Variants in GRIN2A observed in about 807,000 individuals in gnomAD.
GRIN2A encodes the protein glutamate receptor ionotropic, NMDA 2A.
GRIN2A carries 22 observed loss-of-function variants against 113.4 expected under a neutral mutation model. That is an observed-to-expected ratio of 0.19 (90% CI 0.14 to 0.28). The LOEUF is 0.28. Ranked by LOEUF, GRIN2A falls within the 10% of genes least tolerant of loss-of-function variation. The pLI is 1.00. For missense variants in GRIN2A, 1,502 were observed against 1,887.0 expected (o/e 0.80, Z 3.78); for synonymous variants, 827 against 738.4 (o/e 1.12, Z -1.94).
intron 2 of GRIN2A, among the ~76,000 whole-genome samples, chr16:10,116,692 C>T (rs1424935426): frequency 2.0e-5 from 3 of 152,262 alleles, no homozygotes; most frequent in Non-Finnish European, 2.9e-5. Flanking sequence ...GGGAAGGTTA[C>T]TTCTGGGGAT....
intron 4 of GRIN2A, among the ~76,000 whole-genome samples, chr16:9,871,047 A>G (rs1451807374): frequency 6.6e-6 from 1 of 151,840 alleles, no homozygotes; most frequent in Non-Finnish European, 1.5e-5. Flanking sequence ...CTCATTCGTG[A>G]CTTTCCATTT....
intron 2 of GRIN2A, among the ~76,000 whole-genome samples, chr16:10,106,187 GTT>G (rs61465655): frequency 2.9e-5 from 4 of 139,344 alleles, no homozygotes; most frequent in East Asian, 2.1e-4. Context: ...AAGTGAAAGA[GTT>G]TTTTTTTTTT....
chr16:9,826,212 C>T (rs1009289891), intron 9 of GRIN2A, among the ~76,000 whole-genome samples: 1 of 152,148 alleles, frequency 6.6e-6, no homozygotes, highest in Non-Finnish European at 1.5e-5. Context: ...TATGGCAAGG[C>T]CAGGATTTGA....
chr16:9,988,958 T>C (rs983367800), intron 2 of GRIN2A, among the ~76,000 whole-genome samples: 3 of 152,194 alleles, frequency 2.0e-5, no homozygotes, highest in African/African-American at 7.2e-5. Context: ...TCTTGGTCCA[T>C]TATTCTGTCC....
intron 2 of GRIN2A, among the ~76,000 whole-genome samples, chr16:10,173,936 A>G (rs561226425): frequency 7.2e-5 from 11 of 152,240 alleles, no homozygotes; most frequent in Non-Finnish European, 1.0e-4. Context: ...AGAATTTTTA[A>G]AGAAACCTTT....
chr16:9,892,848 TG>T lies in GRIN2A; in HGVS notation c.1008-1749del, dbSNP rs2043722718. 3.3e-5 allele frequency among the ~76,000 whole-genome samples: 5 copies of T among 150,582 alleles called. No homozygotes were observed. In the Admixed American group the frequency reaches 3.3e-4, roughly 10 times the overall value. ...CAGACACAAGATACATCCAATATGG[TG>T]GATTGAAGCATTCAAAGACTTCCCC... On this transcript the variant is annotated intron_variant, in intron 3 of 12. Transcript: ENST00000330684.
At chr16:10,094,667 C>T (rs1013006300) in intron 2 of GRIN2A, among the ~76,000 whole-genome samples, 3 of 151,968 alleles carry the variant, frequency 2.0e-5, no homozygotes, top group Non-Finnish European at 4.4e-5. Context: ...CCAGGCTGGT[C>T]TCAAACTCCT....
At chr16:9,976,380 G>A (rs1374772456) in intron 2 of GRIN2A, among the ~76,000 whole-genome samples, 2 of 152,154 alleles carry the variant, frequency 1.3e-5, no homozygotes, top group Admixed American at 6.5e-5. Flanking sequence ...ATGTCCAAAG[G>A]AGGACAGGAC....
chr16:10,109,232 C>G (rs530605018), intron 2 of GRIN2A, among the ~76,000 whole-genome samples: 1 of 151,810 alleles, frequency 6.6e-6, no homozygotes, highest in Non-Finnish European at 1.5e-5. Flanking sequence ...GAAATAGAAA[C>G]CTTCACCAAC....
intron 2 of GRIN2A, among the ~76,000 whole-genome samples, chr16:10,085,858 G>C (rs1444433503): frequency 6.6e-6 from 1 of 152,110 alleles, no homozygotes; most frequent in African/African-American, 2.4e-5. Context: ...GGGTGGTTTA[G>C]GATTTTATTT....
chr16:10,015,251 T>TAAAAAAAAAAAAAAAAAAAAAAAAAAAA (rs2046581471), intron 2 of GRIN2A, among the ~76,000 whole-genome samples: 1 of 3,070 alleles, frequency 3.3e-4, no homozygotes, highest in Non-Finnish European at 7.0e-4. Flanking sequence ...AGACTTCATC[T>TAAAAAAAAAAAAAAAAAAAAAAAAAAAA]CAAAAAAAAA....
At chr16:10,027,409 T>G (rs1216174657) in intron 2 of GRIN2A, among the ~76,000 whole-genome samples, 3 of 152,196 alleles carry the variant, frequency 2.0e-5, no homozygotes, top group African/African-American at 7.2e-5. Context: ...TCATCCTGCC[T>G]TGTTTCAGAA....
intron 4 of GRIN2A, among the ~76,000 whole-genome samples, chr16:9,887,094 C>G (rs2043599949): frequency 6.6e-6 from 1 of 152,082 alleles, no homozygotes; most frequent in Non-Finnish European, 1.5e-5. Flanking sequence ...ATCATGTTGC[C>G]CAGGTTGGTC....
Position 10,180,631 on chromosome 16 carries a change from C to T in GRIN2A, c.-18-202G>A, listed in dbSNP as rs1047245809. 1.2e-6 allele frequency: 1 copy of T among 855,564 alleles called. No homozygotes were observed. The highest frequency in any genetic ancestry group is 1.8e-6 in the Non-Finnish European group (1 of 569,448). The allele number at this position is 855,564 out of a possible 1,614,324, so 53.0% of individuals were successfully genotyped here. ...TCTAACTCTATCCACAACTCCAATT[C>T]GAGCTAATTCTCCATCCCCCAGCCC... On this transcript the variant is annotated intron_variant, in intron 1 of 12. Coordinates refer to ENST00000330684, the MANE Select transcript of GRIN2A (RefSeq NM_001134407.3). This position sits in a 1 kb window ranked among gnomAD's most constrained non-coding sequence, Gnocchi z 7.0.
rs1219019604 is a variant in GRIN2A, at chr16:10,182,390, C to G, written c.-532G>C. The G allele has an allele frequency of 6.6e-6, 1 of 152,178 alleles. No homozygotes were observed. Among genetic ancestry groups the G allele is most frequent in the African/African-American group, 2.4e-5 (1 of 41,452 alleles). 9.4% of individuals were successfully genotyped at this position (152,178 alleles called of 1,614,324 possible). A position where few individuals can be genotyped will look rare whatever the true frequency, so the allele number is the denominator to read the frequency against. The stretch of plus-strand genomic sequence containing the variant: ...GCGCCGGCTGCTGGGAGTTGTGCGA[C>G]CGGGAGCTGCTGAGCGAGGGAGGTA... On this transcript the variant is annotated 5_prime_UTR_variant, in exon 1 of 13. Transcript: ENST00000330684.
chr16:9,773,534 C>A (rs561169562), intron 11 of GRIN2A, among the ~76,000 whole-genome samples: 2 of 152,294 alleles, frequency 1.3e-5, no homozygotes, highest in East Asian at 3.9e-4. Flanking sequence ...TGGGAACACA[C>A]AAGCTAAATG....
chr16:10,045,608 T>C lies in GRIN2A; in HGVS notation c.415-107057A>G, dbSNP rs535623924. ...CTGATGAAGATAAGAAATGCCAGAC[T>C]GGGTCAGACCAATGGCCCATTCTGG... On this transcript the variant is annotated intron_variant, in intron 2 of 12. Transcript: ENST00000330684. Among the ~76,000 whole-genome samples, 10 of 152,350 alleles carry C rather than the reference T, an allele frequency of 6.6e-5. No individual in the cohort carries two copies. In the East Asian group the frequency reaches 1.7e-3, roughly 26 times the overall value.
chr16:10,027,749 C>G (rs781407842), intron 2 of GRIN2A: 1 of 152,656 alleles, frequency 6.6e-6, no homozygotes, highest in African/African-American at 2.4e-5. Context: ...CCTTACTCGT[C>G]ACAAGCAAGG....
intron 2 of GRIN2A, among the ~76,000 whole-genome samples, chr16:10,102,037 T>C (rs1284060553): frequency 3.9e-5 from 6 of 152,146 alleles, no homozygotes; most frequent in Non-Finnish European, 8.8e-5. Context: ...TTGAGAGGGG[T>C]ATTTTTTACA....
Sources: allele counts gnomAD v4.1 joint callset (sites outside exome capture counted in the v4.1 genomes callset), GRCh38; gene constraint gnomAD v4.1.1; non-coding constraint Gnocchi (gnomAD v3.1); transcripts MANE v1.5; gene names NCBI Gene and HGNC (gene_info 2026-07-23, HGNC 2026-07-21).